SH3GL2: variants seen among roughly 807,000 people sequenced by gnomAD.
SH3GL2 encodes endophilin-A1.
Under a neutral mutation model 46.0 loss-of-function variants are expected in SH3GL2, and 24 were observed. The observed-to-expected ratio is 0.52, with a 90% CI of 0.38 to 0.73. SH3GL2 has a LOEUF of 0.73. SH3GL2 is among the 30% of genes least tolerant of loss of function. The probability of loss-of-function intolerance (pLI) is 0.00; values close to 1 mark genes in which losing one functional copy is unlikely to be tolerated. For synonymous variants in SH3GL2, 196 were observed against 147.1 expected (o/e 1.33, Z -2.40); for missense variants, 413 against 424.2 (o/e 0.97, Z 0.23).
chr9:17,650,381 G>T (rs941311578), intron 1 of SH3GL2, among the ~76,000 whole-genome samples: 1 of 151,502 alleles, frequency 6.6e-6, no homozygotes, highest in South Asian at 2.1e-4. Flanking sequence ...TTGTTTGTTT[G>T]TTTTTTTTAA....
At chr9:17,692,073 A>G (rs1456525168) in intron 1 of SH3GL2, among the ~76,000 whole-genome samples, 1 of 152,136 alleles carries the variant, frequency 6.6e-6, no homozygotes, top group East Asian at 1.9e-4. Context: ...AACATTTTTG[A>G]AATCGTAAAG....
At position 17,791,339 on chromosome 9, in the gene SH3GL2, T is replaced by G; in HGVS notation, c.728+5T>G. 2 of 1,563,570 alleles carry G rather than the reference T, an allele frequency of 1.3e-6. No homozygotes were observed. Among genetic ancestry groups the G allele is most frequent in the Non-Finnish European group, 1.8e-6 (2 of 1,133,976 alleles). ...CACGGTCAGACTGGAAGAAAGGTAT[T>G]CTACAGTTCCCTGCATTTCACATTT... On this transcript the variant is annotated splice_donor_5th_base_variant and intron_variant, in intron 7 of 8. Coordinates refer to ENST00000380607, the MANE Select transcript of SH3GL2 (RefSeq NM_003026.5).
At chr9:17,771,660 CTG>C (rs1387331163) in intron 3 of SH3GL2, among the ~76,000 whole-genome samples, 1 of 152,170 alleles carries the variant, frequency 6.6e-6, no homozygotes, top group African/African-American at 2.4e-5. Context: ...TCTGTGAGAC[CTG>C]TGTTGGCACC....
intron 8 of SH3GL2, 102 bp from the exon 9 acceptor site, chr9:17,795,442 G>T: frequency 2.4e-6 from 2 of 824,012 alleles, no homozygotes. Flanking sequence ...GAGGAAAGAC[G>T]GGGAGCAGCA....
At chr9:17,628,451 T>C (rs965994038) in intron 1 of SH3GL2, among the ~76,000 whole-genome samples, 262 of 141,032 alleles carry the variant, frequency 1.9e-3, no homozygotes, top group African/African-American at 6.8e-3. Flanking sequence ...TGTGTGTGTG[T>C]GTATGTGCAT....
At chr9:17,642,612 C>G (rs1325246584) in intron 1 of SH3GL2, among the ~76,000 whole-genome samples, 2 of 152,148 alleles carry the variant, frequency 1.3e-5, no homozygotes, top group African/African-American at 4.8e-5. Flanking sequence ...AATAGGGAAT[C>G]TTTTTCCCAT....
intron 1 of SH3GL2, among the ~76,000 whole-genome samples, chr9:17,661,871 A>G (rs999595133): frequency 2.0e-5 from 3 of 152,208 alleles, no homozygotes; most frequent in African/African-American, 4.8e-5. Context: ...CCTCACTTTC[A>G]TTGAATGTAA....
chr9:17,641,400 A>G (rs1258746520), intron 1 of SH3GL2, among the ~76,000 whole-genome samples: 1 of 152,144 alleles, frequency 6.6e-6, no homozygotes, highest in African/African-American at 2.4e-5. Context: ...GAAATGAAAT[A>G]TTTGTCCATG....
At chr9:17,614,295 GAAAAAAAAAAA>G (rs3084628) in intron 1 of SH3GL2, among the ~76,000 whole-genome samples, 165 of 70,302 alleles carry the variant, frequency 2.3e-3, no homozygotes, top group African/African-American at 8.5e-3. Flanking sequence ...CATGGTTTCT[GAAAAAAAAAAA>G]AAAAAAAAAA....
intron 1 of SH3GL2, among the ~76,000 whole-genome samples, chr9:17,695,602 G>A (rs1821182841): frequency 6.6e-6 from 1 of 152,030 alleles, no homozygotes. Flanking sequence ...CTCGCCTGGG[G>A]CCTTCTGACT....
intron 1 of SH3GL2, among the ~76,000 whole-genome samples, chr9:17,606,207 C>G (rs1332611796): frequency 6.6e-6 from 1 of 152,140 alleles, no homozygotes; most frequent in Non-Finnish European, 1.5e-5. Flanking sequence ...ATTCTCCTGC[C>G]TTAGCCTCCC....
At chr9:17,657,823 C>T (rs1820125059) in intron 1 of SH3GL2, among the ~76,000 whole-genome samples, 1 of 152,140 alleles carries the variant, frequency 6.6e-6, no homozygotes, top group African/African-American at 2.4e-5. Context: ...TTCTGGCATA[C>T]AGTAAATATT....
intron 1 of SH3GL2, among the ~76,000 whole-genome samples, chr9:17,651,777 T>G (rs1819965853): frequency 6.6e-6 from 1 of 152,214 alleles, no homozygotes; most frequent in African/African-American, 2.4e-5. Flanking sequence ...TTTCCTCATC[T>G]TTAGTATTGA....
intron 1 of SH3GL2, among the ~76,000 whole-genome samples, chr9:17,598,413 A>G (rs1409783460): frequency 1.3e-5 from 2 of 152,216 alleles, no homozygotes; most frequent in African/African-American, 4.8e-5. Context: ...TTTCTTACCA[A>G]AGATCATAAC....
intron 1 of SH3GL2, among the ~76,000 whole-genome samples, chr9:17,581,094 A>T (rs1818269162): frequency 6.6e-6 from 1 of 152,226 alleles, no homozygotes; most frequent in African/African-American, 2.4e-5. Context: ...TGTTCAATAA[A>T]TTATAGTTAT....
chr9:17,667,988 T>C (rs2117939219), intron 1 of SH3GL2, among the ~76,000 whole-genome samples: 1 of 152,324 alleles, frequency 6.6e-6, no homozygotes, highest in Non-Finnish European at 1.5e-5. Context: ...CTTTGCCCAT[T>C]TTAAATATTG....
chr9:17,788,331 A>T (rs1824021271), intron 5 of SH3GL2, among the ~76,000 whole-genome samples: 1 of 152,146 alleles, frequency 6.6e-6, no homozygotes, highest in African/African-American at 2.4e-5. Flanking sequence ...TTAAAAAAGA[A>T]AGTTCCTTCC....
chr9:17,681,118 G>T (rs1330654747), intron 1 of SH3GL2, among the ~76,000 whole-genome samples: 4 of 152,092 alleles, frequency 2.6e-5, no homozygotes, highest in African/African-American at 7.2e-5. Flanking sequence ...GCTTCTAGAA[G>T]CTTTCAAGGA....
At chr9:17,689,372 A>G (rs1184396014) in intron 1 of SH3GL2, among the ~76,000 whole-genome samples, 1 of 152,116 alleles carries the variant, frequency 6.6e-6, no homozygotes, top group Non-Finnish European at 1.5e-5. Context: ...TAGGTAATAA[A>G]GAAGCAAATC....
Sources: allele counts gnomAD v4.1 joint callset (sites outside exome capture counted in the v4.1 genomes callset), GRCh38; gene constraint gnomAD v4.1.1; transcripts MANE v1.5; gene names NCBI Gene and HGNC (gene_info 2026-07-23, HGNC 2026-07-21).